CUX2: variants seen among roughly 807,000 people sequenced by gnomAD.
CUX2 encodes cut like homeobox 2.
Under a neutral mutation model 144.8 loss-of-function variants are expected in CUX2, and 40 were observed. The ratio of observed to expected loss-of-function variants is 0.28; its 90% CI spans 0.21 to 0.36. The LOEUF (loss-of-function observed/expected upper bound fraction) is 0.36. Ranked by LOEUF, CUX2 falls within the 10% of genes least tolerant of loss-of-function variation. The pLI is 1.00. For missense variants in CUX2, 1,615 were observed against 1,994.0 expected (o/e 0.81, Z 3.62); for synonymous variants, 827 against 875.6 (o/e 0.94, Z 0.98).
intron 15 of CUX2, among the ~76,000 whole-genome samples, chr12:111,311,597 A>ATTTTT (rs1227311025): frequency 4.4e-5 from 6 of 136,396 alleles, no homozygotes; most frequent in African/African-American, 1.9e-4. Flanking sequence ...TTTCTTTATT[A>ATTTTT]TTATTATTTT....
At chr12:111,198,856 G>C (rs1880401600) in intron 1 of CUX2, among the ~76,000 whole-genome samples, 1 of 152,240 alleles carries the variant, frequency 6.6e-6, no homozygotes, top group South Asian at 2.1e-4. Flanking sequence ...GGAGTGCATA[G>C]AGTTGGGCAG....
intron 4 of CUX2, among the ~76,000 whole-genome samples, chr12:111,290,672 C>T (rs1425725682): frequency 1.3e-5 from 2 of 152,112 alleles, no homozygotes; most frequent in Non-Finnish European, 2.9e-5. Context: ...GGTGATCCAC[C>T]TGCCACAGCC....
intron 3 of CUX2, among the ~76,000 whole-genome samples, chr12:111,237,010 G>A (rs1227205803): frequency 2.6e-5 from 4 of 152,138 alleles, no homozygotes; most frequent in Non-Finnish European, 5.9e-5. Flanking sequence ...TTAGTTGGGT[G>A]TGGTGACATG....
chr12:111,130,180 G>C (rs1875375576), intron 1 of CUX2, among the ~76,000 whole-genome samples: 1 of 152,180 alleles, frequency 6.6e-6, no homozygotes, highest in African/African-American at 2.4e-5. Context: ...CCCTTAAGGG[G>C]ACCCGGCCTC....
At chr12:111,297,563 C>T (rs971596658) in intron 8 of CUX2, among the ~76,000 whole-genome samples, 18 of 152,188 alleles carry the variant, frequency 1.2e-4, no homozygotes, top group African/African-American at 4.3e-4. Context: ...CCCCGCTCCC[C>T]AGCTCCACAC....
intron 16 of CUX2, among the ~76,000 whole-genome samples, chr12:111,319,780 G>A (rs61147759): frequency 0.025 from 3,796 of 152,290 alleles, 170 homozygotes; most frequent in African/African-American, 0.086. Context: ...TGCATTATCC[G>A]CATGAGCATG....
chr12:111,192,533 A>G lies in CUX2; in HGVS notation c.64-21667A>G, dbSNP rs956224942. On this transcript the variant is annotated intron_variant, in intron 1 of 21. Transcript: ENST00000261726. The stretch of plus-strand genomic sequence containing the variant: ...CATGCCTTTTTCCTGCTTTCACTAG[A>G]TCTTCATCAGGTGTGGCTGCTAATA... Among the ~76,000 whole-genome samples, 12 of 151,610 alleles carry G rather than the reference A, an allele frequency of 7.9e-5. No individual in the cohort carries two copies. In the East Asian group the frequency reaches 2.3e-3, roughly 29 times the overall value.
chr12:111,200,268 C>G (rs967340297), intron 1 of CUX2, among the ~76,000 whole-genome samples: 7 of 152,008 alleles, frequency 4.6e-5, no homozygotes, highest in Non-Finnish European at 7.4e-5. Flanking sequence ...AGTTGGGGGT[C>G]TCGGGTGCAG....
rs1869318112 is a variant in CUX2, at chr12:111,034,523, G to C, written c.63+283G>C. ...CGGCCGAGCGGCCAGGCGGCCGGGC[G>C]AGGAGCGGGGAAGGCAGGGGCTACG... is the stretch of plus-strand genomic sequence containing the variant. On this transcript the variant is annotated intron_variant, in intron 1 of 21. Transcript: ENST00000261726. This position sits in a 1 kb window ranked among gnomAD's most constrained non-coding sequence, Gnocchi z 4.2. 6.6e-6 allele frequency among the ~76,000 whole-genome samples: 1 copy of C among 151,638 alleles called. No individual in the cohort carries two copies. The highest frequency in any genetic ancestry group is 1.5e-5 in the Non-Finnish European group (1 of 67,836).
At chr12:111,318,101 T>A (rs539307825) in intron 16 of CUX2, among the ~76,000 whole-genome samples, 31 of 152,124 alleles carry the variant, frequency 2.0e-4, no homozygotes, top group African/African-American at 7.2e-4. Context: ...TGAGATAGGC[T>A]CTCACTCTGT....
Position 111,304,044 on chromosome 12 carries a change from C to T in CUX2, c.754-166C>T, listed in dbSNP as rs1886452157. On this transcript the variant is annotated intron_variant, in intron 9 of 21. Coordinates refer to ENST00000261726, the MANE Select transcript of CUX2 (RefSeq NM_015267.4). The surrounding 1 kb of genome is among the most constrained non-coding windows in gnomAD (Gnocchi z 4.7). ...TTTCTTGTCCCCAGCCCAGACAGGG[C>T]TCTGTGACTGGTCTTCATAGCTCCA... is the stretch of plus-strand genomic sequence containing the variant. 5.1e-6 allele frequency: 3 copies of T among 586,898 alleles called. No homozygotes were observed. The highest frequency in any genetic ancestry group is 9.2e-6 in the Non-Finnish European group (3 of 327,478). The allele number at this position is 586,898 out of a possible 1,614,324, so 36.4% of individuals were successfully genotyped here.
intron 1 of CUX2, among the ~76,000 whole-genome samples, chr12:111,079,997 C>A (rs572212595): frequency 1.3e-5 from 2 of 152,350 alleles, no homozygotes; most frequent in African/African-American, 4.8e-5. Flanking sequence ...TGCCCACTTG[C>A]TTGCTGTGTG....
chr12:111,338,296 G>A lies in CUX2; in HGVS notation c.3207G>A (p.Leu1069=), dbSNP rs762328324. 6.2e-6 allele frequency: 10 copies of A among 1,609,894 alleles called. No individual in the cohort carries two copies. In the East Asian group the frequency reaches 2.2e-4, roughly 36 times the overall value. Residue 1069 remains leucine, a synonymous_variant, in exon 20 of 22, where the codon CTG becomes CTA. Transcript: ENST00000261726. ...VLTDNNLGQR[L]FGESILGLTQ... is the part of the protein sequence containing the mutation. ...CTCCCCTATCCCCAGGGCAGCGGCT[G>A]TTTGGGGAAAGCATCCTGGGTCTGA...
At chr12:111,084,158 A>G (rs1872061074) in intron 1 of CUX2, among the ~76,000 whole-genome samples, 1 of 152,176 alleles carries the variant, frequency 6.6e-6, no homozygotes, top group Non-Finnish European at 1.5e-5. Context: ...TTACAAATAA[A>G]TATGATTTTC....
chr12:111,282,203 C>T (rs911923328), intron 4 of CUX2, among the ~76,000 whole-genome samples: 5 of 151,608 alleles, frequency 3.3e-5, no homozygotes, highest in Non-Finnish European at 7.4e-5. Flanking sequence ...GCGCCTGTAG[C>T]CCCAGCTACT....
intron 1 of CUX2, among the ~76,000 whole-genome samples, chr12:111,169,369 A>G (rs1416005887): frequency 6.6e-6 from 1 of 152,164 alleles, no homozygotes; most frequent in Non-Finnish European, 1.5e-5. Context: ...AGCGGGAGAG[A>G]AGACATTCCT....
chr12:111,310,190 C>A lies in CUX2; in HGVS notation c.1408C>A (p.Pro470Thr). The A allele has an allele frequency of 6.5e-7, 1 of 1,538,356 alleles. No individual in the cohort carries two copies. Among genetic ancestry groups the A allele is most frequent in the Non-Finnish European group, 8.7e-7 (1 of 1,143,898 alleles). The change falls in exon 15 of 22, where the codon CCT (proline) becomes ACT (threonine). Residue 470 changes from proline (P) to threonine (T), a missense_variant. Transcript: ENST00000261726. The surrounding 1 kb of genome is among the most constrained non-coding windows in gnomAD (Gnocchi z 7.9). ...GCCCCTGCTGGGCCCCAGCTTGGGG[C>A]CTGACGGCACTCGGACTTTCTCGCT... ...GQPLLGPSLG[P>T]DGTRTFSLSP...
chr12:111,069,451 A>C (rs1871160991), intron 1 of CUX2, among the ~76,000 whole-genome samples: 1 of 148,618 alleles, frequency 6.7e-6, no homozygotes, highest in African/African-American at 2.6e-5. Flanking sequence ...AGCTTAAAGC[A>C]TCACCTCTCT....
At chr12:111,318,110 G>A (rs558042872) in intron 16 of CUX2, among the ~76,000 whole-genome samples, 1 of 152,096 alleles carries the variant, frequency 6.6e-6, no homozygotes, top group East Asian at 1.9e-4. Flanking sequence ...CTCTCACTCT[G>A]TTGCCCAGGC....
Sources: allele counts gnomAD v4.1 joint callset (sites outside exome capture counted in the v4.1 genomes callset), GRCh38; gene constraint gnomAD v4.1.1; non-coding constraint Gnocchi (gnomAD v3.1); transcripts MANE v1.5; gene names NCBI Gene and HGNC (gene_info 2026-07-23, HGNC 2026-07-21).